MARCHF1: variants seen among roughly 807,000 people sequenced by gnomAD.
The protein encoded by MARCHF1 is E3 ubiquitin-protein ligase MARCHF1.
MARCHF1 carries 40 observed loss-of-function variants against 54.2 expected under a neutral mutation model. The observed-to-expected ratio is 0.74, with a 90% confidence interval of 0.57 to 0.96. MARCHF1 has a LOEUF of 0.96. Ranked by LOEUF, MARCHF1 falls within the 40% of genes least tolerant of loss-of-function variation. The pLI, the probability that MARCHF1 is intolerant of heterozygous loss-of-function variation, is 0.00. For missense variants in MARCHF1, 586 were observed against 656.5 expected, an observed-to-expected ratio of 0.89 and a Z score of 1.17; for synonymous variants, 236 against 236.3, an observed-to-expected ratio of 1.00 and a Z score of 0.01.
rs1307221102 is a variant in MARCHF1 at position 163,525,858 on chromosome 4, A to G, written c.*2890T>C. ...CAAAGCTAAATCGTTTTATTGTTTG[A>G]AAGGGCAAATGTTCCATTGCCACAC... On this transcript the variant is annotated 3_prime_UTR_variant, in exon 10 of 10. Coordinates refer to ENST00000514618, the MANE Select transcript of MARCHF1 (RefSeq NM_001394959.1). 1 of 152,130 alleles carries G rather than the reference A, an allele frequency of 6.6e-6. No individual in the cohort carries two copies. Among genetic ancestry groups the G allele is most frequent in the Admixed American group, 6.6e-5 (1 of 15,240 alleles). The allele number at this position is 152,130 out of a possible 1,614,324, so 9.4% of individuals were successfully genotyped here.
chr4:164,233,724 G>A (rs879353770), intron 1 of MARCHF1, among the ~76,000 whole-genome samples: 5 of 152,084 alleles, frequency 3.3e-5, no homozygotes, highest in Admixed American at 6.6e-5. Context: ...CAACAAGGAT[G>A]ATCAATGACT....
chr4:164,031,023 C>T (rs1430412245), intron 2 of MARCHF1, among the ~76,000 whole-genome samples: 3 of 152,116 alleles, frequency 2.0e-5, no homozygotes, highest in African/African-American at 4.8e-5. Context: ...CAAACAGAGA[C>T]AATTTGACTT....
At chr4:163,737,164 C>CTTTT (rs71925488) in intron 4 of MARCHF1, among the ~76,000 whole-genome samples, 35 of 72,024 alleles carry the variant, frequency 4.9e-4, no homozygotes, top group Non-Finnish European at 7.5e-4. Context: ...TTTTTTCTTT[C>CTTTT]TTTTTTTTTT....
At chr4:163,678,440 CT>C (rs1168734906) in intron 5 of MARCHF1, among the ~76,000 whole-genome samples, 2 of 152,110 alleles carry the variant, frequency 1.3e-5, no homozygotes, top group Non-Finnish European at 2.9e-5. Flanking sequence ...ATGCATTATT[CT>C]TTTTTGGTAG....
At chr4:164,041,583 A>C (rs963240289) in intron 2 of MARCHF1, among the ~76,000 whole-genome samples, 5 of 152,170 alleles carry the variant, frequency 3.3e-5, no homozygotes, top group African/African-American at 1.2e-4. Flanking sequence ...TTTAGATGAA[A>C]ATATTTAAAT....
rs149348559 is a variant in MARCHF1, at chr4:163,590,003, A to C, written c.1011-4074T>G. The stretch of plus-strand genomic sequence containing the variant: ...TCTTACTTTTACATTATTTCTAGCT[A>C]TCTGTGAATAGCAGACCACATAACG... On this transcript the variant is annotated intron_variant, in intron 7 of 9. Transcript: ENST00000514618. 2.0e-3 allele frequency among the ~76,000 whole-genome samples: 306 copies of C among 151,940 alleles called. 7 individuals carry two copies. The East Asian group carries it at 0.056, about 28-fold the overall frequency.
intron 4 of MARCHF1, among the ~76,000 whole-genome samples, chr4:163,839,950 A>T (rs1749292413): frequency 6.6e-6 from 1 of 152,098 alleles, no homozygotes; most frequent in Non-Finnish European, 1.5e-5. Context: ...TGTTCTTTGG[A>T]AAACATGGAT....
chr4:163,658,937 C>A (rs1743249269), intron 5 of MARCHF1, among the ~76,000 whole-genome samples: 1 of 151,420 alleles, frequency 6.6e-6, no homozygotes. Context: ...TGCACATGTA[C>A]CCTGGAACTT....
intron 2 of MARCHF1, among the ~76,000 whole-genome samples, chr4:164,108,868 A>G (rs1755767786): frequency 6.6e-6 from 1 of 152,096 alleles, no homozygotes; most frequent in South Asian, 2.1e-4. Context: ...GAATGGCAAT[A>G]GTGGGCAGCA....
chr4:164,058,916 A>C (rs990255530), intron 2 of MARCHF1, among the ~76,000 whole-genome samples: 1 of 152,232 alleles, frequency 6.6e-6, no homozygotes, highest in Non-Finnish European at 1.5e-5. Context: ...AGATGTTGCC[A>C]AAAACTGCAG....
intron 2 of MARCHF1, among the ~76,000 whole-genome samples, chr4:164,055,450 A>AG (rs1243753668): frequency 6.6e-6 from 1 of 151,978 alleles, no homozygotes. Context: ...TCTCAAAAAA[A>AG]AAAAAAAAAA....
chr4:164,078,363 C>A (rs1451198363), intron 2 of MARCHF1, among the ~76,000 whole-genome samples: 2 of 152,086 alleles, frequency 1.3e-5, no homozygotes, highest in Non-Finnish European at 2.9e-5. Context: ...GAATATCACA[C>A]ACCGGGGTCT....
rs143328281 is a variant in MARCHF1 at position 163,788,704 on chromosome 4, C to T, written c.111+65317G>A. ...TCAGGAGGTACATGCTATCAATAAG[C>T]GTATTACTGGTGCTGTTAACATTGG... On this transcript the variant is annotated intron_variant, in intron 4 of 9. Coordinates refer to ENST00000514618, the MANE Select transcript of MARCHF1 (RefSeq NM_001394959.1). Among the ~76,000 whole-genome samples, 512 of 152,052 alleles carry T rather than the reference C, an allele frequency of 3.4e-3. 1 individual carries two copies. Among genetic ancestry groups the T allele is most frequent in the African/African-American group, 0.011 (457 of 41,524 alleles).
chr4:164,369,020 C>G (rs1327623575), intron 1 of MARCHF1, among the ~76,000 whole-genome samples: 1 of 152,142 alleles, frequency 6.6e-6, no homozygotes, highest in African/African-American at 2.4e-5. Flanking sequence ...AAGTCTCACT[C>G]CTTCCATCCA....
At chr4:164,037,789 C>T (rs915855167) in intron 2 of MARCHF1, among the ~76,000 whole-genome samples, 1 of 151,992 alleles carries the variant, frequency 6.6e-6, no homozygotes, top group Non-Finnish European at 1.5e-5. Flanking sequence ...TAGTATGTAC[C>T]CTTGATATGA....
intron 1 of MARCHF1, among the ~76,000 whole-genome samples, chr4:164,144,432 C>G (rs977320196): frequency 6.6e-6 from 1 of 151,000 alleles, no homozygotes; most frequent in Admixed American, 6.6e-5. Flanking sequence ...TAAAGCTCTC[C>G]TCAGCAAATG....
At chr4:163,654,356 G>A (rs1049426155) in intron 5 of MARCHF1, among the ~76,000 whole-genome samples, 1 of 151,602 alleles carries the variant, frequency 6.6e-6, no homozygotes, top group South Asian at 2.1e-4. Context: ...TGAAGTTTGT[G>A]TGATGTTTTA....
intron 2 of MARCHF1, among the ~76,000 whole-genome samples, chr4:164,076,528 A>C (rs1375615174): frequency 1.3e-5 from 2 of 152,202 alleles, no homozygotes; most frequent in Admixed American, 6.5e-5. Flanking sequence ...TAGTGTTGGA[A>C]GTTGTGGCCA....
intron 7 of MARCHF1, among the ~76,000 whole-genome samples, chr4:163,604,593 A>G (rs753030868): frequency 6.6e-6 from 1 of 152,208 alleles, no homozygotes; most frequent in Admixed American, 6.6e-5. Context: ...TGATTTTCCA[A>G]AACACAAGTC....
Sources: gnomAD v4.1 joint callset for allele counts (sites outside exome capture counted in the v4.1 genomes callset) on GRCh38, gnomAD v4.1.1 for gene constraint, MANE v1.5 for transcripts, NCBI Gene and HGNC (gene_info 2026-07-23, HGNC 2026-07-21) for gene names.